The following TGFBR3 variants were observed in gnomAD, a reference collection of about 807,000 sequenced individuals.
The protein encoded by TGFBR3 is transforming growth factor beta receptor 3.
In TGFBR3, 46 loss-of-function variants were observed where a neutral mutation model predicts 87.9. That is an observed-to-expected ratio of 0.52 (90% CI 0.41 to 0.67). The LOEUF is 0.67. TGFBR3 is among the 30% of genes least tolerant of loss of function. TGFBR3 has a pLI of 0.00. For missense variants in TGFBR3, 866 were observed against 1,041.9 expected (o/e 0.83, Z 2.32); for synonymous variants, 381 against 391.6 (o/e 0.97, Z 0.32).
chr1:91,701,304 T>C (rs1230436475), intron 14 of TGFBR3, among the ~76,000 whole-genome samples: 2 of 152,098 alleles, frequency 1.3e-5, no homozygotes, highest in Non-Finnish European at 2.9e-5. Context: ...TAAAGAATTC[T>C]ATCCTCGAAC....
rs541980471 is a variant in TGFBR3, at chr1:91,694,619, A to G, written c.2437+1053T>C. 2.6e-5 allele frequency among the ~76,000 whole-genome samples: 4 copies of G among 152,360 alleles called. No individual in the cohort carries two copies. The East Asian group carries it at 7.7e-4, about 29-fold the overall frequency. ...GATATGACTCTCCAAAATATCCTTC[A>G]GTACTTCCTTCCTCTTTAAATCAGC... On this transcript the variant is annotated intron_variant, in intron 16 of 16. Transcript: ENST00000212355.
chr1:91,789,282 A>G (rs1035212029), intron 3 of TGFBR3, among the ~76,000 whole-genome samples: 3 of 152,182 alleles, frequency 2.0e-5, no homozygotes, highest in African/African-American at 7.2e-5. Flanking sequence ...ACTCCAGCCT[A>G]GGCGACAGAG....
Position 91,792,843 on chromosome 1 carries a change from C to T in TGFBR3, c.246+4444G>A, listed in dbSNP as rs373108636. On this transcript the variant is annotated intron_variant, in intron 3 of 16. Coordinates refer to ENST00000212355, the MANE Select transcript of TGFBR3 (RefSeq NM_003243.5). ...TTGCTCTAAAAGATAAATCTGATCT[C>T]TCAGCATTGTTTATGCTCTTCTGCT... is the stretch of plus-strand genomic sequence containing the variant. 3.3e-5 allele frequency among the ~76,000 whole-genome samples: 5 copies of T among 152,338 alleles called. No individual in the cohort carries two copies. In the East Asian group the frequency reaches 5.8e-4, roughly 18 times the overall value.
chr1:91,739,147 C>G (rs972683716), intron 4 of TGFBR3, among the ~76,000 whole-genome samples: 1 of 152,040 alleles, frequency 6.6e-6, no homozygotes, highest in Non-Finnish European at 1.5e-5. Context: ...CCTTGTAGAC[C>G]GTTGTAAGGA....
intron 12 of TGFBR3, among the ~76,000 whole-genome samples, chr1:91,713,556 T>C (rs1234285765): frequency 1.3e-5 from 2 of 152,150 alleles, no homozygotes; most frequent in African/African-American, 4.8e-5. Flanking sequence ...GCAGAATCAT[T>C]TCAAAAGACA....
chr1:91,903,338 C>CAAAAA (rs58672104), intron 1 of TGFBR3, among the ~76,000 whole-genome samples: 4,140 of 50,436 alleles, frequency 0.082, 763 homozygotes, highest in African/African-American at 0.11. Flanking sequence ...GATTCTGCCT[C>CAAAAA]AAAAAAAAAA....
chr1:91,730,188 G>T (rs916780646), intron 5 of TGFBR3, among the ~76,000 whole-genome samples: 4 of 152,086 alleles, frequency 2.6e-5, no homozygotes, highest in African/African-American at 9.7e-5. Flanking sequence ...CCAACTAGGG[G>T]CCTCTTTTGG....
chr1:91,859,433 T>TG (rs555224815), intron 2 of TGFBR3, among the ~76,000 whole-genome samples: 13 of 84,682 alleles, frequency 1.5e-4, no homozygotes, highest in South Asian at 4.1e-4. Context: ...GAGGTGGGGG[T>TG]GGGGGGGTGC....
intron 1 of TGFBR3, among the ~76,000 whole-genome samples, chr1:91,875,791 G>GGGC (rs1678774601): frequency 1.8e-5 from 1 of 56,142 alleles, no homozygotes; most frequent in Non-Finnish European, 4.2e-5. Context: ...GGGCGGGGGG[G>GGGC]GGGGGTGGGA....
chr1:91,777,155 G>A (rs1197442504), intron 3 of TGFBR3, among the ~76,000 whole-genome samples: 6 of 152,202 alleles, frequency 3.9e-5, no homozygotes, highest in Admixed American at 3.9e-4. Context: ...GACATCACTG[G>A]ATTGTGAGGT....
intron 2 of TGFBR3, among the ~76,000 whole-genome samples, chr1:91,826,882 T>A (rs578240205): frequency 1.3e-5 from 2 of 152,022 alleles, no homozygotes; most frequent in African/African-American, 4.8e-5. Context: ...AGTCAACCAC[T>A]GCAAGTCACA....
intron 2 of TGFBR3, among the ~76,000 whole-genome samples, chr1:91,822,729 C>T (rs1437129982): frequency 2.0e-5 from 3 of 152,014 alleles, no homozygotes; most frequent in Non-Finnish European, 2.9e-5. Context: ...GAGTTCGAGA[C>T]CAGCCTGGGA....
intron 3 of TGFBR3, among the ~76,000 whole-genome samples, chr1:91,786,587 C>T (rs1674971395): frequency 6.6e-6 from 1 of 151,982 alleles, no homozygotes; most frequent in Non-Finnish European, 1.5e-5. Context: ...CCCATCTCTA[C>T]TAAAAATACA....
At chr1:91,890,409 C>CTTTTTTTTTTTTTTTTTTTT (rs1175619952), upstream of TGFBR3, among the ~76,000 whole-genome samples, 5 of 60,386 alleles carry the variant, frequency 8.3e-5, 1 homozygote, top group African/African-American at 2.8e-4. Flanking sequence ...TCTCTATAAT[C>CTTTTTTTTTTTTTTTTTTTT]TTTTTTTTTT....
intron 3 of TGFBR3, among the ~76,000 whole-genome samples, chr1:91,785,681 T>C (rs1250355412): frequency 5.3e-5 from 8 of 152,140 alleles, no homozygotes; most frequent in Non-Finnish European, 8.8e-5. Flanking sequence ...AATTTGACTT[T>C]TAAGCCCTCC....
chr1:91,876,485 A>C (rs566982892), intron 1 of TGFBR3, among the ~76,000 whole-genome samples: 20 of 152,248 alleles, frequency 1.3e-4, no homozygotes, highest in African/African-American at 4.6e-4. Flanking sequence ...TACCTTTCCC[A>C]CACTAACATC....
rs1007546378 is a variant in TGFBR3, at chr1:91,862,754, G to C, written c.-113-1110C>G. 2.0e-5 allele frequency among the ~76,000 whole-genome samples: 3 copies of C among 152,166 alleles called. 1 individual carries two copies. The highest frequency in any genetic ancestry group is 4.4e-5 in the Non-Finnish European group (3 of 68,028). ...TCCAGGCATGGTTCCTTCTCATCAA[G>C]AATAAAAGTTATGGGTAAAAGTGCA... On this transcript the variant is annotated intron_variant, in intron 1 of 16. Transcript: ENST00000212355.
intron 4 of TGFBR3, chr1:91,755,074 C>T (rs1571476449): frequency 6.6e-6 from 1 of 152,094 alleles, no homozygotes; most frequent in South Asian, 2.1e-4. Context: ...TCGGAGAAGA[C>T]AGTGATGAAA....
intron 4 of TGFBR3, among the ~76,000 whole-genome samples, chr1:91,757,050 C>A (rs1471105573): frequency 6.6e-6 from 1 of 152,062 alleles, no homozygotes; most frequent in African/African-American, 2.4e-5. Flanking sequence ...AATCCACTGT[C>A]CCCCTAATGT....
Sources: allele counts gnomAD v4.1 joint callset (sites outside exome capture counted in the v4.1 genomes callset), GRCh38; gene constraint gnomAD v4.1.1; transcripts MANE v1.5; gene names NCBI Gene and HGNC (gene_info 2026-07-23, HGNC 2026-07-21).